FOXN3: variants seen among roughly 807,000 people sequenced by gnomAD.
The protein encoded by FOXN3 is forkhead box N3.
In FOXN3, 7 loss-of-function variants were observed where a neutral mutation model predicts 38.4. The observed-to-expected ratio is 0.18, with a 90% CI of 0.10 to 0.34. FOXN3 has a LOEUF of 0.34. Among genes scored for constraint, FOXN3 ranks in the 10% least tolerant of loss-of-function variants. The pLI, the probability that FOXN3 is intolerant of heterozygous loss-of-function variation, is 1.00. For missense variants in FOXN3, 456 were observed against 613.4 expected (o/e 0.74, Z 2.71); for synonymous variants, 230 against 242.2 (o/e 0.95, Z 0.47).
At chr14:89,498,014 G>A (rs565537162) in intron 1 of FOXN3, among the ~76,000 whole-genome samples, 49 of 151,970 alleles carry the variant, frequency 3.2e-4, no homozygotes, top group Non-Finnish European at 5.0e-4. Context: ...TAGTGACATT[G>A]AGCATTTTTT....
chr14:89,379,643 A>G (rs1259668141), intron 2 of FOXN3, among the ~76,000 whole-genome samples: 1 of 151,952 alleles, frequency 6.6e-6, no homozygotes, highest in Admixed American at 6.6e-5. Context: ...GTTTTGTTTT[A>G]TTTTTATTTT....
chr14:89,261,367 G>A (rs1272686331), intron 4 of FOXN3, among the ~76,000 whole-genome samples: 1 of 152,214 alleles, frequency 6.6e-6, no homozygotes, highest in East Asian at 1.9e-4. Context: ...AAGCAGAAAC[G>A]CTGGGACTCA....
intron 1 of FOXN3, among the ~76,000 whole-genome samples, chr14:89,475,827 A>G (rs372196887): frequency 6.6e-5 from 10 of 152,276 alleles, no homozygotes; most frequent in African/African-American, 2.2e-4. Context: ...CTTCAAACAG[A>G]ACTTGGTACT....
At chr14:89,497,127 G>C (rs1395482522) in intron 1 of FOXN3, among the ~76,000 whole-genome samples, 2 of 151,572 alleles carry the variant, frequency 1.3e-5, no homozygotes, top group East Asian at 3.9e-4. Context: ...GCTAATTTTT[G>C]TATTTTTTAG....
chr14:89,604,229 ACACACACACACGTGCGCG>A (rs1354552788), intron 1 of FOXN3, among the ~76,000 whole-genome samples: 7 of 147,714 alleles, frequency 4.7e-5, no homozygotes, highest in Admixed American at 1.4e-4. Flanking sequence ...ACACACACAC[ACACACACACACGTGCGCG>A]CACACACACG....
intron 1 of FOXN3, among the ~76,000 whole-genome samples, chr14:89,494,563 G>A (rs1192507134): frequency 6.6e-6 from 1 of 152,214 alleles, no homozygotes; most frequent in East Asian, 1.9e-4. Flanking sequence ...GGGAAGGACA[G>A]AAAAGGTGAG....
At chr14:89,220,285 TA>T (rs1417484160) in intron 4 of FOXN3, among the ~76,000 whole-genome samples, 2 of 152,202 alleles carry the variant, frequency 1.3e-5, no homozygotes, top group African/African-American at 4.8e-5. Flanking sequence ...CTCCAGTACT[TA>T]CCAGCAGTGT....
intron 3 of FOXN3, among the ~76,000 whole-genome samples, chr14:89,345,746 G>C (rs947016482): frequency 6.6e-6 from 1 of 152,116 alleles, no homozygotes; most frequent in East Asian, 1.9e-4. Flanking sequence ...TTCCATTCCT[G>C]AGTTACTTCA....
intron 2 of FOXN3, among the ~76,000 whole-genome samples, chr14:89,390,545 C>G (rs1338807761): frequency 3.4e-5 from 5 of 145,908 alleles, no homozygotes; most frequent in African/African-American, 1.3e-4. Context: ...TTAGCTTTTT[C>G]TTCAAACTGA....
upstream of FOXN3, among the ~76,000 whole-genome samples, chr14:89,418,185 A>G (rs1342989918): frequency 6.6e-6 from 1 of 152,112 alleles, no homozygotes; most frequent in Non-Finnish European, 1.5e-5. Flanking sequence ...CCAGGTAGCC[A>G]AATTGGTTGG....
intron 2 of FOXN3, among the ~76,000 whole-genome samples, chr14:89,352,435 T>C (rs1469833093): frequency 6.7e-6 from 1 of 150,126 alleles, no homozygotes; most frequent in African/African-American, 2.5e-5. Context: ...AGTGGAGAGG[T>C]TTGGGGGGAA....
intron 3 of FOXN3, among the ~76,000 whole-genome samples, chr14:89,343,147 A>G (rs979401165): frequency 6.6e-6 from 1 of 152,248 alleles, no homozygotes; most frequent in African/African-American, 2.4e-5. Context: ...AAATTAAAAA[A>G]TTATTGGATC....
intron 3 of FOXN3, among the ~76,000 whole-genome samples, chr14:89,281,314 C>T (rs1226028478): frequency 2.6e-5 from 4 of 152,170 alleles, no homozygotes; most frequent in Non-Finnish European, 5.9e-5. Context: ...TAGCGTATAA[C>T]TTAAGGATAT....
intron 2 of FOXN3, among the ~76,000 whole-genome samples, chr14:89,383,269 T>A (rs1369700522): frequency 1.3e-5 from 2 of 152,112 alleles, no homozygotes; most frequent in African/African-American, 4.8e-5. Context: ...TTCTACCACA[T>A]GTGACACGGC....
At chr14:89,589,207 A>T (rs1260041431) in intron 1 of FOXN3, among the ~76,000 whole-genome samples, 1 of 151,990 alleles carries the variant, frequency 6.6e-6, no homozygotes, top group East Asian at 1.9e-4. Context: ...AGACCAAAAC[A>T]CTCTTGCCCT....
intron 3 of FOXN3, among the ~76,000 whole-genome samples, chr14:89,332,741 A>G (rs969291810): frequency 1.3e-5 from 2 of 152,198 alleles, no homozygotes; most frequent in African/African-American, 4.8e-5. Flanking sequence ...ACAGCAAAGG[A>G]AATAGTCTAC....
At chr14:89,533,767 G>C (rs1894626862) in intron 1 of FOXN3, among the ~76,000 whole-genome samples, 1 of 147,878 alleles carries the variant, frequency 6.8e-6, no homozygotes. Context: ...TCTTCCTTAT[G>C]TTACAGCATA....
At chr14:89,389,100 A>G (rs574872309) in intron 2 of FOXN3, among the ~76,000 whole-genome samples, 1 of 152,282 alleles carries the variant, frequency 6.6e-6, no homozygotes, top group East Asian at 1.9e-4. Flanking sequence ...GGCAGACTCC[A>G]GCAGGGAGAG....
intron 1 of FOXN3, among the ~76,000 whole-genome samples, chr14:89,593,671 T>C (rs962985408): frequency 6.6e-6 from 1 of 152,248 alleles, no homozygotes; most frequent in African/African-American, 2.4e-5. Context: ...ATGTTTACAC[T>C]GTGAAATATC....
Sources: gnomAD v4.1 joint callset for allele counts (sites outside exome capture counted in the v4.1 genomes callset) on GRCh38, gnomAD v4.1.1 for gene constraint, MANE v1.5 for transcripts, NCBI Gene and HGNC (gene_info 2026-07-23, HGNC 2026-07-21) for gene names.